Variants in SRPK2 observed in about 807,000 individuals in gnomAD.
SRPK2 encodes the protein SFRS protein kinase 2.
In SRPK2, 21 loss-of-function variants were observed where a neutral mutation model predicts 90.8. That is an observed-to-expected ratio of 0.23 (90% CI 0.16 to 0.33). The LOEUF (loss-of-function observed/expected upper bound fraction) is 0.33. Ranked by LOEUF, SRPK2 falls within the 10% of genes least tolerant of loss-of-function variation. The pLI is 1.00. For missense variants in SRPK2, 620 were observed against 869.0 expected, an observed-to-expected ratio of 0.71 and a Z score of 3.60; for synonymous variants, 288 against 311.1, an observed-to-expected ratio of 0.93 and a Z score of 0.78.
In SRPK2 at chr7:105,142,480, C is replaced by T. The variant is rs761956996; in HGVS notation, c.1071G>A (p.Glu357=). Residue 357 remains glutamate (E), a synonymous_variant, in exon 11 of 16, where the codon GAG becomes GAA. Coordinates refer to ENST00000393651, the MANE Select transcript of SRPK2 (RefSeq NM_182692.3). ...CAGCATCTTCTTTCTCTTCCTGGTCCTCAGCTTCACCTTAAGAATTTGATG... is the reference window on the plus strand; with the variant it reads ...CAGCATCTTCTTTCTCTTCCTGGTCTTCAGCTTCACCTTAAGAATTTGATG... ...AETAKDNGEA[E]DQEEKEDAEK... is the part of the protein sequence containing the mutation. The T allele has an allele frequency of 6.2e-7, 1 of 1,607,934 alleles. No individual in the cohort carries two copies. The highest frequency in any genetic ancestry group is 1.1e-5 in the South Asian group (1 of 89,832).
At chr7:105,398,650 C>A (rs1341739586) in intron 1 of SRPK2, among the ~76,000 whole-genome samples, 2 of 152,140 alleles carry the variant, frequency 1.3e-5, no homozygotes, top group African/African-American at 4.8e-5. Flanking sequence ...CTTTTAAATT[C>A]TTTAAAGTTT....
chr7:105,185,019 GAGTACATGAACTTT>G (rs1294026163), intron 3 of SRPK2, among the ~76,000 whole-genome samples: 1 of 152,090 alleles, frequency 6.6e-6, no homozygotes, highest in Non-Finnish European at 1.5e-5. Flanking sequence ...ACATGAGCTT[GAGTACATGAACTTT>G]AGTACGTGAA....
chr7:105,273,076 G>A (rs992252443), intron 2 of SRPK2, among the ~76,000 whole-genome samples: 1 of 152,028 alleles, frequency 6.6e-6, no homozygotes, highest in Non-Finnish European at 1.5e-5. Flanking sequence ...TTAGCCAGGC[G>A]TGGTGGCAGG....
At chr7:105,124,753 T>C (rs1224379159) in intron 15 of SRPK2, among the ~76,000 whole-genome samples, 2 of 151,698 alleles carry the variant, frequency 1.3e-5, no homozygotes, top group Non-Finnish European at 2.9e-5. Context: ...TCACATCAAC[T>C]TTAAAAGTTC....
At chr7:105,301,028 A>T (rs1400355801) in intron 2 of SRPK2, among the ~76,000 whole-genome samples, 1 of 152,224 alleles carries the variant, frequency 6.6e-6, no homozygotes, top group African/African-American at 2.4e-5. Context: ...TATATACCCA[A>T]AGGATTATAA....
chr7:105,268,691 C>T, intron 2 of SRPK2: 1 of 1,189,526 alleles, frequency 8.4e-7, no homozygotes, highest in South Asian at 1.5e-5. Flanking sequence ...AGCACAATAC[C>T]AGCATGCAGG....
At chr7:105,294,832 C>T (rs1486634912) in intron 2 of SRPK2, among the ~76,000 whole-genome samples, 1 of 152,124 alleles carries the variant, frequency 6.6e-6, no homozygotes. Flanking sequence ...AACCCTTAGT[C>T]ATTTTCTAAT....
At chr7:105,367,754 C>T (rs1585917454) in intron 2 of SRPK2, among the ~76,000 whole-genome samples, 1 of 152,278 alleles carries the variant, frequency 6.6e-6, no homozygotes, top group Non-Finnish European at 1.5e-5. Context: ...TGTACACACA[C>T]ATTTTGTGTA....
In SRPK2 at chr7:105,236,806, A is replaced by G. The variant is rs182860610; in HGVS notation, c.72-33021T>C. 1.7e-3 allele frequency among the ~76,000 whole-genome samples: 256 copies of G among 152,346 alleles called. 1 individual carries two copies. Among genetic ancestry groups the G allele is most frequent in the African/African-American group, 5.6e-3 (232 of 41,582 alleles). On this transcript the variant is annotated intron_variant, in intron 2 of 15. Coordinates refer to ENST00000393651, the MANE Select transcript of SRPK2 (RefSeq NM_182692.3). Reference sequence around the variant, plus strand: ...GTGAAATGCCAAATTTAAGTAATCAAGAAAAAGTGTCTCAAGATTTTCATT... The same window carrying G: ...GTGAAATGCCAAATTTAAGTAATCAGGAAAAAGTGTCTCAAGATTTTCATT...
At chr7:105,311,142 T>C (rs1006872129) in intron 2 of SRPK2, among the ~76,000 whole-genome samples, 7 of 152,136 alleles carry the variant, frequency 4.6e-5, no homozygotes, top group Admixed American at 1.3e-4. Context: ...CTGCACATCA[T>C]ATATCTGATA....
chr7:105,191,237 C>T (rs1404850799), intron 3 of SRPK2, among the ~76,000 whole-genome samples: 1 of 152,118 alleles, frequency 6.6e-6, no homozygotes, highest in Non-Finnish European at 1.5e-5. Context: ...AAATGACAAC[C>T]ACCCTGAGAC....
intron 2 of SRPK2, among the ~76,000 whole-genome samples, chr7:105,213,123 A>C (rs1797055565): frequency 6.6e-6 from 1 of 152,182 alleles, no homozygotes; most frequent in Middle Eastern, 3.2e-3. Context: ...ACCTAAGGAC[A>C]ACTCTAATTC....
At chr7:105,150,734 C>A (rs1307137270) in intron 7 of SRPK2, among the ~76,000 whole-genome samples, 2 of 152,064 alleles carry the variant, frequency 1.3e-5, no homozygotes, top group African/African-American at 4.8e-5. Flanking sequence ...CTGAAAAGTA[C>A]AAGAAATTAA....
chr7:105,272,651 C>T (rs896371045), intron 2 of SRPK2, among the ~76,000 whole-genome samples: 1 of 152,084 alleles, frequency 6.6e-6, no homozygotes, highest in Non-Finnish European at 1.5e-5. Context: ...TCTACATACA[C>T]CCTTGCCATC....
intron 7 of SRPK2, among the ~76,000 whole-genome samples, chr7:105,150,977 T>G (rs1397760641): frequency 6.6e-6 from 1 of 152,194 alleles, no homozygotes; most frequent in East Asian, 1.9e-4. Flanking sequence ...TGCGGGAGGC[T>G]GCACAGTTAA....
chr7:105,218,450 C>CA (rs1250723570), intron 2 of SRPK2, among the ~76,000 whole-genome samples: 1 of 152,122 alleles, frequency 6.6e-6, no homozygotes, highest in African/African-American at 2.4e-5. Flanking sequence ...ATCAATGCTC[C>CA]AAGGAATCAT....
rs760643961 is a variant in SRPK2, at chr7:105,388,795, C to T, written c.12G>A (p.Arg4=). The T allele has an allele frequency of 4.1e-6, 6 of 1,472,854 alleles. No individual in the cohort carries two copies. The highest frequency in any genetic ancestry group is 2.3e-5 in the Admixed American group (1 of 44,254). 91.2% of individuals were successfully genotyped at this position (1,472,854 alleles called of 1,614,324 possible). A position where few individuals can be genotyped will look rare whatever the true frequency, so the allele number is the denominator to read the frequency against. The change falls in exon 1 of 16, where the codon CGG becomes CGA. Residue 4 remains arginine (R), a synonymous_variant. Transcript: ENST00000393651. ...GGCGCGCCGCGGGCCACTCACCTTT[C>T]CGGGAGCTCATTCCGACGCGGCGGA... MSS[R]KVLAIQARKR... is the part of the protein sequence containing the mutation.
At chr7:105,284,958 T>C (rs1807861337) in intron 2 of SRPK2, among the ~76,000 whole-genome samples, 1 of 152,176 alleles carries the variant, frequency 6.6e-6, no homozygotes, top group Admixed American at 6.5e-5. Context: ...TACAGGGTCT[T>C]AAACACAGCA....
At chr7:105,224,977 G>A (rs1798539592) in intron 2 of SRPK2, among the ~76,000 whole-genome samples, 1 of 152,048 alleles carries the variant, frequency 6.6e-6, no homozygotes, top group Non-Finnish European at 1.5e-5. Flanking sequence ...TTTCCTTACT[G>A]AGCTTTCATT....
Sources: gnomAD v4.1 joint callset for allele counts (sites outside exome capture counted in the v4.1 genomes callset) on GRCh38, gnomAD v4.1.1 for gene constraint, MANE v1.5 for transcripts, NCBI Gene and HGNC (gene_info 2026-07-23, HGNC 2026-07-21) for gene names.